KCNH5: variants seen among roughly 807,000 people sequenced by gnomAD.
The protein encoded by KCNH5 is potassium voltage-gated channel subfamily H member 5.
KCNH5 carries 46 observed loss-of-function variants against 96.1 expected under a neutral mutation model. That is an observed-to-expected ratio of 0.48 (90% CI 0.38 to 0.61). KCNH5 has a LOEUF of 0.61. KCNH5 is among the 20% of genes least tolerant of loss of function. The pLI is 0.00. For missense variants in KCNH5, 907 were observed against 1,225.8 expected (o/e 0.74, Z 3.88); for synonymous variants, 439 against 449.8 (o/e 0.98, Z 0.30).
chr14:62,993,187 T>C (rs1444807596), intron 4 of KCNH5, among the ~76,000 whole-genome samples: 1 of 152,104 alleles, frequency 6.6e-6, no homozygotes, highest in Admixed American at 6.6e-5. Context: ...CTATTTCTTA[T>C]ACCAGTACTG....
chr14:62,827,806 T>G (rs547395589), intron 8 of KCNH5, among the ~76,000 whole-genome samples: 40 of 152,340 alleles, frequency 2.6e-4, no homozygotes, highest in Non-Finnish European at 4.9e-4. Flanking sequence ...TTTGTTTGTT[T>G]GTTTCAGTGA....
At position 62,888,941 on chromosome 14, in the gene KCNH5, A is replaced by T. The variant is rs75739555; in HGVS notation, c.1370-39089T>A. On this transcript the variant is annotated intron_variant, in intron 7 of 10. Coordinates refer to ENST00000322893, the MANE Select transcript of KCNH5 (RefSeq NM_139318.5). ...AACCTAAGAATTTCTTAGCCACAAGAATATCTAATCTGGGACAGGCAAAAG... is the reference window on the plus strand; with the variant it reads ...AACCTAAGAATTTCTTAGCCACAAGTATATCTAATCTGGGACAGGCAAAAG... 4.3e-4 allele frequency among the ~76,000 whole-genome samples: 65 copies of T among 152,308 alleles called. 2 individuals are homozygous for T. The highest frequency in any genetic ancestry group is 1.4e-3 in the African/African-American group (58 of 41,568).
Position 62,849,792 on chromosome 14 carries a change from T to C in KCNH5, c.1430A>G (p.Asn477Ser). 6.2e-7 allele frequency: 1 copy of C among 1,613,934 alleles called. No homozygotes were observed. Among genetic ancestry groups the C allele is most frequent in the Non-Finnish European group, 8.5e-7 (1 of 1,179,856 alleles). Residue 477 changes from asparagine (N) to serine (S), a missense_variant, in exon 8 of 11, where the codon AAC becomes AGC. By Grantham distance (46) the Asn-to-Ser change is conservative (BLOSUM62 1). Coordinates refer to ENST00000322893, the MANE Select transcript of KCNH5 (RefSeq NM_139318.5). ...VTTIFQQMYA[N>S]TNRYHEMLNN... is the part of the protein sequence containing the mutation. ...CAGCATCTCATGGTATCGGTTGGTGTTGGCATACATTTGCTGGAAAATTGT... is the reference window on the plus strand; with the variant it reads ...CAGCATCTCATGGTATCGGTTGGTGCTGGCATACATTTGCTGGAAAATTGT...
intron 10 of KCNH5, among the ~76,000 whole-genome samples, chr14:62,739,664 A>C (rs1885230051): frequency 6.6e-6 from 1 of 152,142 alleles, no homozygotes; most frequent in Non-Finnish European, 1.5e-5. Context: ...CCCAGCTTCA[A>C]TCATGGTACT....
chr14:62,979,050 C>G (rs1218321526), intron 6 of KCNH5, among the ~76,000 whole-genome samples: 1 of 152,150 alleles, frequency 6.6e-6, no homozygotes, highest in African/African-American at 2.4e-5. Context: ...CACCATCTCT[C>G]CATTCACCCC....
intron 7 of KCNH5, among the ~76,000 whole-genome samples, chr14:62,947,292 C>T (rs559797071): frequency 6.6e-6 from 1 of 152,244 alleles, no homozygotes; most frequent in East Asian, 1.9e-4. Flanking sequence ...ATGTTGTCTT[C>T]TGAATTTATA....
chr14:62,896,789 C>T (rs1888822632), intron 7 of KCNH5, among the ~76,000 whole-genome samples: 1 of 152,116 alleles, frequency 6.6e-6, no homozygotes, highest in East Asian at 1.9e-4. Flanking sequence ...CAACTTAATA[C>T]AATAAATAAT....
intron 9 of KCNH5, 64 bp downstream of exon 9, chr14:62,802,264 CG>C (rs1886677085): frequency 6.5e-7 from 1 of 1,537,532 alleles, no homozygotes; most frequent in Non-Finnish European, 8.8e-7. Flanking sequence ...TTTAAAAATG[CG>C]AAAAGCAAAA....
chr14:62,803,376 C>A (rs1357980657), intron 8 of KCNH5, among the ~76,000 whole-genome samples: 1 of 152,148 alleles, frequency 6.6e-6, no homozygotes, highest in African/African-American at 2.4e-5. Flanking sequence ...CACTGGCAGA[C>A]TAACTCCACT....
chr14:63,013,114 G>A (rs1282314714), intron 2 of KCNH5, among the ~76,000 whole-genome samples: 1 of 151,822 alleles, frequency 6.6e-6, no homozygotes, highest in Non-Finnish European at 1.5e-5. Flanking sequence ...TGTGGGAGGG[G>A]TTGAGAAGGA....
chr14:62,742,514 C>T (rs559359370), intron 10 of KCNH5, among the ~76,000 whole-genome samples: 1 of 152,116 alleles, frequency 6.6e-6, no homozygotes. Context: ...TATCTATATA[C>T]CCTGTCCCAA....
intron 7 of KCNH5, among the ~76,000 whole-genome samples, chr14:62,859,734 C>T (rs914743507): frequency 6.6e-6 from 1 of 152,178 alleles, no homozygotes; most frequent in Non-Finnish European, 1.5e-5. Flanking sequence ...GGAAGACTTC[C>T]CTTCACTGCT....
chr14:62,917,199 T>A (rs1889291939), intron 7 of KCNH5, among the ~76,000 whole-genome samples: 1 of 152,214 alleles, frequency 6.6e-6, no homozygotes, highest in Admixed American at 6.5e-5. Flanking sequence ...TTTACATTGT[T>A]ATATTCCTTC....
intron 6 of KCNH5, among the ~76,000 whole-genome samples, chr14:62,971,696 G>A (rs1890411046): frequency 6.6e-6 from 1 of 151,846 alleles, no homozygotes; most frequent in South Asian, 2.1e-4. Flanking sequence ...TCCAGGAATA[G>A]ACCCACATAA....
chr14:63,015,731 C>T (rs1891315288), intron 2 of KCNH5, among the ~76,000 whole-genome samples: 1 of 151,850 alleles, frequency 6.6e-6, no homozygotes, highest in Admixed American at 6.6e-5. Context: ...CCTGTGGAAC[C>T]CACATATATA....
intron 6 of KCNH5, among the ~76,000 whole-genome samples, chr14:62,967,086 C>T (rs924660913): frequency 6.6e-6 from 1 of 152,066 alleles, no homozygotes; most frequent in Admixed American, 6.6e-5. Flanking sequence ...AATAACAATG[C>T]CACAGGCAGT....
chr14:62,876,410 T>G (rs1315828530), intron 7 of KCNH5, among the ~76,000 whole-genome samples: 3 of 152,208 alleles, frequency 2.0e-5, no homozygotes, highest in Non-Finnish European at 4.4e-5. Context: ...AGGTGACGTA[T>G]AGTTTACATG....
chr14:62,955,627 C>T (rs1439572829), intron 6 of KCNH5, among the ~76,000 whole-genome samples: 2 of 152,098 alleles, frequency 1.3e-5, no homozygotes, highest in African/African-American at 4.8e-5. Context: ...GTAACTTATC[C>T]AACCACATGA....
intron 7 of KCNH5, among the ~76,000 whole-genome samples, chr14:62,928,239 T>C (rs1889512176): frequency 6.6e-6 from 1 of 152,114 alleles, no homozygotes; most frequent in African/African-American, 2.4e-5. Context: ...ACCTCATTTC[T>C]TGCTTAATAG....
Sources: gnomAD v4.1 joint callset for allele counts (sites outside exome capture counted in the v4.1 genomes callset) on GRCh38, gnomAD v4.1.1 for gene constraint, MANE v1.5 for transcripts, NCBI Gene and HGNC (gene_info 2026-07-23, HGNC 2026-07-21) for gene names.